The following MYOM2 variants were observed in gnomAD, a reference collection of about 807,000 sequenced individuals.
The protein encoded by MYOM2 is myomesin 2, also known as myomesin-2.
Under a neutral mutation model 187.6 loss-of-function variants are expected in MYOM2, and 254 were observed. That is an observed-to-expected ratio of 1.35 (90% CI 1.22 to 1.50). The LOEUF (loss-of-function observed/expected upper bound fraction) is 1.50, where lower values mean the gene tolerates loss of function less well. Ranked by LOEUF, MYOM2 falls within the 40% of genes most tolerant of loss-of-function variation. MYOM2 has a pLI of 0.00. For synonymous variants in MYOM2, 981 were observed against 753.8 expected, an observed-to-expected ratio of 1.30 and a Z score of -4.94; for missense variants, 2,796 against 1,924.0, an observed-to-expected ratio of 1.45 and a Z score of -8.48.
At chr8:2,094,114 T>A in intron 17 of MYOM2, 23 bp downstream of exon 17, 2 of 1,613,776 alleles carry the variant, frequency 1.2e-6, no homozygotes, top group Non-Finnish European at 1.7e-6. Flanking sequence ...CAGGCTGTTG[T>A]GTGCCGATTG....
At position 2,099,085 on chromosome 8, in the gene MYOM2, C is replaced by G. The variant is rs542159497; in HGVS notation, c.2440+102C>G. Reference sequence around the variant, plus strand: ...GGACTCGCCAGCCTTCACAGCGTGTCTGTTCCTCCGACACCCGCAGCCGCA... The same window carrying G: ...GGACTCGCCAGCCTTCACAGCGTGTGTGTTCCTCCGACACCCGCAGCCGCA... On this transcript the variant is annotated intron_variant, in intron 19 of 36. Transcript: ENST00000262113. 2.8e-6 allele frequency: 4 copies of G among 1,408,398 alleles called. No homozygotes were observed. In the South Asian group the frequency reaches 4.5e-5, roughly 16 times the overall value. The allele number at this position is 1,408,398 out of a possible 1,614,324, so 87.2% of individuals were successfully genotyped here.
At chr8:2,060,867 G>C (rs35456145) in intron 6 of MYOM2, among the ~76,000 whole-genome samples, 1 of 151,954 alleles carries the variant, frequency 6.6e-6, no homozygotes, top group Admixed American at 6.6e-5. Context: ...TCTTGCTCTG[G>C]GGGAGAGAAA....
intron 13 of MYOM2, among the ~76,000 whole-genome samples, chr8:2,082,965 C>T (rs1038605702): frequency 2.0e-5 from 3 of 152,110 alleles, no homozygotes; most frequent in African/African-American, 7.2e-5. Context: ...AAGCCTCGAC[C>T]CCAGTTCAGC....
chr8:2,129,253 T>C (rs760885727), intron 32 of MYOM2, 21 bp downstream of exon 32: 8 of 1,551,606 alleles, frequency 5.2e-6, no homozygotes, highest in South Asian at 1.1e-5. Context: ...CAGCAGCCGA[T>C]GGAGGCCATG....
intron 6 of MYOM2, among the ~76,000 whole-genome samples, chr8:2,065,358 C>A (rs1370258717): frequency 6.6e-6 from 1 of 152,146 alleles, no homozygotes; most frequent in Non-Finnish European, 1.5e-5. Flanking sequence ...ATCACGAGGT[C>A]AGGAGTTTGA....
chr8:2,118,303 G>A (rs1409786645), intron 28 of MYOM2, among the ~76,000 whole-genome samples: 3 of 152,176 alleles, frequency 2.0e-5, no homozygotes, highest in East Asian at 3.8e-4. Flanking sequence ...GGAAAGGAAA[G>A]GCATGCTTTG....
At chr8:2,075,158 C>T (rs1392300524) in intron 10 of MYOM2, among the ~76,000 whole-genome samples, 1 of 152,208 alleles carries the variant, frequency 6.6e-6, no homozygotes, top group Admixed American at 6.5e-5. Flanking sequence ...TCTCACCCTC[C>T]TCACTTCCCA....
chr8:2,131,042 C>A (rs1032375616), intron 32 of MYOM2, among the ~76,000 whole-genome samples: 16 of 152,200 alleles, frequency 1.1e-4, no homozygotes, highest in African/African-American at 1.9e-4. Flanking sequence ...GGCCACCCCC[C>A]TCTTCAGCCT....
intron 18 of MYOM2, among the ~76,000 whole-genome samples, chr8:2,096,792 C>T (rs1169019140): frequency 3.9e-5 from 6 of 152,150 alleles, no homozygotes; most frequent in African/African-American, 9.7e-5. Context: ...GGGAGGGTCA[C>T]GCTGAATGTC....
Position 2,076,194 on chromosome 8 carries a change from C to G in MYOM2, c.1174C>G (p.His392Asp), listed in dbSNP as rs907908277. Residue 392 changes from histidine (H) to aspartate (D), a missense_variant, in exon 11 of 37, where the codon CAC (histidine) becomes GAC (aspartate). Transcript: ENST00000262113. ...APGAPMDLQC[H>D]DANRDYVIVT... is the part of the protein sequence containing the mutation. ...CGGTGCACCCATGGACTTGCAGTGCCACGACGCCAACCGGGACTACGTCAT... is the reference window on the plus strand; with the variant it reads ...CGGTGCACCCATGGACTTGCAGTGCGACGACGCCAACCGGGACTACGTCAT... The G allele has an allele frequency of 4.6e-5, 74 of 1,613,424 alleles. No homozygotes were observed. The highest frequency in any genetic ancestry group is 6.2e-5 in the Non-Finnish European group (73 of 1,179,918).
At chr8:2,128,878 C>T (rs1191057535) in intron 31 of MYOM2, among the ~76,000 whole-genome samples, 1 of 152,182 alleles carries the variant, frequency 6.6e-6, no homozygotes, top group Non-Finnish European at 1.5e-5. Context: ...TCTTTTTAGA[C>T]AGTTCTATAT....
At chr8:2,065,785 G>A (rs948141871) in intron 6 of MYOM2, among the ~76,000 whole-genome samples, 1 of 152,190 alleles carries the variant, frequency 6.6e-6, no homozygotes, top group African/African-American at 2.4e-5. Flanking sequence ...CTCTGCCTGA[G>A]GCCCCGGTAC....
At chr8:2,072,267 G>T in intron 8 of MYOM2, 78 bp from the exon 9 acceptor site, 1 of 1,129,140 alleles carries the variant, frequency 8.9e-7, no homozygotes, top group Non-Finnish European at 1.1e-6. Flanking sequence ...GATGCTCTCT[G>T]CCCTTCGGCC....
intron 34 of MYOM2, among the ~76,000 whole-genome samples, chr8:2,141,949 G>A (rs765012175): frequency 6.6e-6 from 1 of 152,126 alleles, no homozygotes; most frequent in Admixed American, 6.5e-5. Context: ...GAAGCTGACC[G>A]CAGTCCTTGG....
chr8:2,144,619 C>T (rs140069036), intron 36 of MYOM2, 45 bp from the exon 37 acceptor site: 2 of 1,599,110 alleles, frequency 1.3e-6, no homozygotes, highest in Non-Finnish European at 1.7e-6. Context: ...ACATGACTTT[C>T]CTTTTTCTAA....
intron 31 of MYOM2, among the ~76,000 whole-genome samples, chr8:2,124,671 C>G (rs1338233970): frequency 3.3e-5 from 5 of 152,142 alleles, no homozygotes; most frequent in Admixed American, 3.3e-4. Context: ...TTGGAGGAAA[C>G]TCCACACTCT....
At chr8:2,051,070 C>T (rs377672839) in intron 2 of MYOM2, among the ~76,000 whole-genome samples, 197 bp downstream of exon 2, 1 of 152,116 alleles carries the variant, frequency 6.6e-6, no homozygotes, top group Non-Finnish European at 1.5e-5. Flanking sequence ...TCTGGCAGGT[C>T]CTGCTGGCCG....
At position 2,145,291 on chromosome 8, in the gene MYOM2, C is replaced by A; in HGVS notation, c.*310C>A. 2.0e-6 allele frequency: 1 copy of A among 491,690 alleles called. No individual in the cohort carries two copies. Among genetic ancestry groups the A allele is most frequent in the African/African-American group, 2.0e-5 (1 of 50,768 alleles). The allele number at this position is 491,690 out of a possible 1,614,324, so 30.5% of individuals were successfully genotyped here. Reference sequence around the variant, plus strand: ...GGGTGTGGGCACATGGGTGTGGCACCTGGACGTGTGCAGCATGTGGCGGTC... The same window carrying A: ...GGGTGTGGGCACATGGGTGTGGCACATGGACGTGTGCAGCATGTGGCGGTC... On this transcript the variant is annotated 3_prime_UTR_variant, in exon 37 of 37. Coordinates refer to ENST00000262113, the MANE Select transcript of MYOM2 (RefSeq NM_003970.4).
At chr8:2,118,034 CCAGAT>C in intron 28 of MYOM2, 82 bp downstream of exon 28, 1 of 1,257,010 alleles carries the variant, frequency 8.0e-7, no homozygotes, top group Non-Finnish European at 1.1e-6. Context: ...GTAGCTGTGG[CCAGAT>C]CTGTGATGCT....
Sources: gnomAD v4.1 joint callset for allele counts (sites outside exome capture counted in the v4.1 genomes callset) on GRCh38, gnomAD v4.1.1 for gene constraint, MANE v1.5 for transcripts, NCBI Gene and HGNC (gene_info 2026-07-23, HGNC 2026-07-21) for gene names.